AOAH: variants seen among roughly 807,000 people sequenced by gnomAD.
AOAH encodes acyloxyacyl hydrolase (neutrophil).
Under a neutral mutation model 92.2 loss-of-function variants are expected in AOAH, and 64 were observed. The observed-to-expected ratio is 0.69, with a 90% CI of 0.57 to 0.86. The LOEUF is 0.86. Ranked by LOEUF, AOAH falls within the 40% of genes least tolerant of loss-of-function variation. The probability of loss-of-function intolerance (pLI) is 0.00; values close to 1 mark genes in which losing one functional copy is unlikely to be tolerated. For synonymous variants in AOAH, 263 were observed against 254.5 expected, an observed-to-expected ratio of 1.03 and a Z score of -0.32; for missense variants, 656 against 694.6, an observed-to-expected ratio of 0.94 and a Z score of 0.62.
At chr7:36,708,199 C>T (rs1798550408) in intron 1 of AOAH, among the ~76,000 whole-genome samples, 1 of 152,084 alleles carries the variant, frequency 6.6e-6, no homozygotes, top group African/African-American at 2.4e-5. Flanking sequence ...GGATAGTATA[C>T]TACATGTTTC....
At chr7:36,616,568 T>C in intron 10 of AOAH, 94 bp from the exon 11 acceptor site, 1 of 986,266 alleles carries the variant, frequency 1.0e-6, no homozygotes, top group Non-Finnish European at 1.6e-6. Flanking sequence ...CTAGTGTGTA[T>C]TCCAGGCACC....
In AOAH at chr7:36,545,518, C is replaced by G. The variant is rs185885211; in HGVS notation, c.1133+3094G>C. Among the ~76,000 whole-genome samples the G allele has an allele frequency of 3.2e-4, 49 of 152,294 alleles. No individual in the cohort carries two copies. The East Asian group carries it at 3.9e-3, about 12-fold the overall frequency. ...CGGCTGGCTTCCTCTTAATTCAGTG[C>G]TGGTCAACTGCCCAGGGTGTAACCT... On this transcript the variant is annotated intron_variant, in intron 15 of 20. Transcript: ENST00000617537.
intron 13 of AOAH, among the ~76,000 whole-genome samples, chr7:36,564,723 C>T (rs1424428857): frequency 6.6e-6 from 1 of 152,222 alleles, no homozygotes; most frequent in Non-Finnish European, 1.5e-5. Flanking sequence ...TCTGAATTTT[C>T]CCTCTGTAGT....
At chr7:36,615,020 T>C (rs1791755772) in intron 11 of AOAH, among the ~76,000 whole-genome samples, 1 of 152,134 alleles carries the variant, frequency 6.6e-6, no homozygotes, top group Non-Finnish European at 1.5e-5. Flanking sequence ...CCTAAGCATC[T>C]CCTGGCCTGA....
In AOAH at chr7:36,632,112, G is replaced by T; in HGVS notation, c.451-6C>A. 6.3e-7 allele frequency: 1 copy of T among 1,595,754 alleles called. No individual in the cohort carries two copies. The highest frequency in any genetic ancestry group is 8.5e-7 in the Non-Finnish European group (1 of 1,172,640). On this transcript the variant is annotated splice_region_variant and splice_polypyrimidine_tract_variant and intron_variant, in intron 5 of 20. Coordinates refer to ENST00000617537, the MANE Select transcript of AOAH (RefSeq NM_001637.4). ...GAACCACTTCTAGAATATTTCTGGG[G>T]AGAAAAAAAAAAACAAAAAGAGAGT...
At chr7:36,591,606 T>TG (rs1378877571) in intron 12 of AOAH, among the ~76,000 whole-genome samples, 5 of 152,322 alleles carry the variant, frequency 3.3e-5, no homozygotes, top group African/African-American at 1.2e-4. Flanking sequence ...GTCTGCCTGC[T>TG]GGGCACTGAT....
intron 1 of AOAH, among the ~76,000 whole-genome samples, chr7:36,693,183 C>T (rs1405697458): frequency 6.6e-6 from 1 of 152,128 alleles, no homozygotes; most frequent in Admixed American, 6.6e-5. Context: ...CAATGTTTTG[C>T]TCTGTATCTT....
chr7:36,627,334 C>T (rs1010914549), intron 6 of AOAH, among the ~76,000 whole-genome samples: 1 of 152,092 alleles, frequency 6.6e-6, no homozygotes, highest in East Asian at 1.9e-4. Flanking sequence ...AGCAATTGGA[C>T]TGAGGACAGC....
In AOAH at chr7:36,610,497, CTT is replaced by C. The variant is rs60730967; in HGVS notation, c.846+5881_846+5882del. On this transcript the variant is annotated intron_variant, in intron 11 of 20. Coordinates refer to ENST00000617537, the MANE Select transcript of AOAH (RefSeq NM_001637.4). ...ATTAGCTCTATCATTGGCTTTATAA[CTT>C]TTTTTTTTTTTTAAAAAAAAAGAAT... Among the ~76,000 whole-genome samples, 553 of 98,948 alleles carry C rather than the reference CTT, an allele frequency of 5.6e-3. 2 individuals carry two copies. The highest frequency in any genetic ancestry group is 0.017 in the African/African-American group (393 of 23,406). The allele number at this position is 98,948 out of a possible 152,430, so 64.9% of individuals were successfully genotyped here.
intron 16 of AOAH, among the ~76,000 whole-genome samples, chr7:36,535,330 G>A (rs750667109): frequency 6.6e-6 from 1 of 152,106 alleles, no homozygotes; most frequent in Non-Finnish European, 1.5e-5. Context: ...AGGGTCTCTG[G>A]TATCTATTTA....
intron 1 of AOAH, among the ~76,000 whole-genome samples, chr7:36,711,224 C>T (rs1798751776): frequency 6.6e-6 from 1 of 152,152 alleles, no homozygotes; most frequent in Non-Finnish European, 1.5e-5. Context: ...AGGAAAATAG[C>T]TCTGTCAATA....
intron 1 of AOAH, among the ~76,000 whole-genome samples, chr7:36,695,659 A>G (rs1382791977): frequency 6.6e-6 from 1 of 152,224 alleles, no homozygotes; most frequent in Non-Finnish European, 1.5e-5. Context: ...TTAAAACAGC[A>G]TCCTTCCAAA....
At chr7:36,635,537 G>A (rs1793454992) in intron 5 of AOAH, among the ~76,000 whole-genome samples, 1 of 151,940 alleles carries the variant, frequency 6.6e-6, no homozygotes, top group Non-Finnish European at 1.5e-5. Flanking sequence ...TTGGATCTCG[G>A]CAATTTTTAT....
intron 12 of AOAH, among the ~76,000 whole-genome samples, chr7:36,582,206 G>T (rs531315674): frequency 4.6e-5 from 7 of 152,188 alleles, no homozygotes; most frequent in African/African-American, 1.4e-4. Flanking sequence ...TTCTCTTTCT[G>T]CTCTGTTGTA....
rs911872943 is a variant in AOAH at position 36,667,486 on chromosome 7, G to T, written c.290+6457C>A. Among the ~76,000 whole-genome samples the T allele has an allele frequency of 2.0e-5, 3 of 152,296 alleles. No individual in the cohort carries two copies. The South Asian group carries it at 6.2e-4, about 32-fold the overall frequency. ...AAATTAAACTTTGTCATAGATATGG[G>T]TGTATAGGAAAAAACATAGTATATA... On this transcript the variant is annotated intron_variant, in intron 3 of 20. Transcript: ENST00000617537.
At chr7:36,538,036 T>C (rs1185342261) in intron 16 of AOAH, among the ~76,000 whole-genome samples, 1 of 150,778 alleles carries the variant, frequency 6.6e-6, no homozygotes, top group Non-Finnish European at 1.5e-5. Context: ...GGACAGAGTT[T>C]TTGTTTGTTT....
chr7:36,648,014 A>T (rs749780212), intron 4 of AOAH, among the ~76,000 whole-genome samples: 1 of 152,046 alleles, frequency 6.6e-6, no homozygotes, highest in African/African-American at 2.4e-5. Flanking sequence ...TACTTTTAGT[A>T]GAGATGGGGG....
rs1323322840 is a variant in AOAH, at chr7:36,614,975, T to TG, written c.846+1404dup. ...GCTCTCAGGCCTGAGTGTTTCAGGT[T>TG]GGGAGCCTCAGTGCCTGGGAGGGTC... On this transcript the variant is annotated intron_variant, in intron 11 of 20. Coordinates refer to ENST00000617537, the MANE Select transcript of AOAH (RefSeq NM_001637.4). This position sits in a 1 kb window ranked among gnomAD's most constrained non-coding sequence, Gnocchi z 4.2. Among the ~76,000 whole-genome samples the TG allele has an allele frequency of 1.3e-5, 2 of 152,128 alleles. No homozygotes were observed. The highest frequency in any genetic ancestry group is 3.9e-4 in the East Asian group (2 of 5,188).
chr7:36,529,640 C>T (rs912876429), intron 19 of AOAH, among the ~76,000 whole-genome samples: 15 of 152,162 alleles, frequency 9.9e-5, no homozygotes, highest in Admixed American at 1.3e-4. Context: ...TTCCATCTTT[C>T]GCCTACACTG....
Sources: allele counts gnomAD v4.1 joint callset (sites outside exome capture counted in the v4.1 genomes callset), GRCh38; gene constraint gnomAD v4.1.1; non-coding constraint Gnocchi (gnomAD v3.1); transcripts MANE v1.5; gene names NCBI Gene and HGNC (gene_info 2026-07-23, HGNC 2026-07-21).